NPHP4: variants seen among roughly 807,000 people sequenced by gnomAD.
NPHP4 encodes the protein nephrocystin 4.
In NPHP4, 151 loss-of-function variants were observed where a neutral mutation model predicts 155.8. That is an observed-to-expected ratio of 0.97 (90% CI 0.85 to 1.11). NPHP4 has a LOEUF of 1.11. NPHP4 is among the 50% of genes least tolerant of loss of function. The pLI is 0.00. For missense variants in NPHP4, 1,956 were observed against 1,925.7 expected, an observed-to-expected ratio of 1.02 and a Z score of -0.29; for synonymous variants, 845 against 816.8, an observed-to-expected ratio of 1.03 and a Z score of -0.59.
intron 9 of NPHP4, among the ~76,000 whole-genome samples, chr1:5,946,252 G>T (rs1480168669): frequency 6.6e-6 from 1 of 152,132 alleles, no homozygotes; most frequent in African/African-American, 2.4e-5. Context: ...AGAACAGCAG[G>T]ATTTGGGTTT....
chr1:5,873,240 T>C lies in NPHP4; in HGVS notation c.3315+12A>G. On this transcript the variant is annotated intron_variant, in intron 23 of 29. Coordinates refer to ENST00000378156, the MANE Select transcript of NPHP4 (RefSeq NM_015102.5). ...AGCCCCGAGATCAGTTTGTCCTCCG[T>C]TGCCCCTTTACCTTGGCGTGTTTAG... is the stretch of plus-strand genomic sequence containing the variant. 6.2e-7 allele frequency: 1 copy of C among 1,608,292 alleles called. No individual in the cohort carries two copies. The highest frequency in any genetic ancestry group is 8.5e-7 in the Non-Finnish European group (1 of 1,174,732).
intron 22 of NPHP4, 107 bp from the exon 23 acceptor site, chr1:5,873,442 T>C: frequency 1.2e-6 from 1 of 835,428 alleles, no homozygotes; most frequent in Non-Finnish European, 2.0e-6. Flanking sequence ...ACCAGCCTCC[T>C]CTCACACTGA....
chr1:5,906,052 T>C (rs1644899888), intron 13 of NPHP4, among the ~76,000 whole-genome samples: 1 of 152,240 alleles, frequency 6.6e-6, no homozygotes, highest in South Asian at 2.1e-4. Context: ...GCATCCTATA[T>C]TTCACGTGGC....
intron 1 of NPHP4, among the ~76,000 whole-genome samples, chr1:5,986,941 T>C (rs926683914): frequency 2.6e-5 from 4 of 151,748 alleles, no homozygotes; most frequent in Non-Finnish European, 4.4e-5. Context: ...CCAGGGAGCA[T>C]GAGAGAGGGA....
In NPHP4 at chr1:5,910,089, G is replaced by A. The variant is rs1029024820; in HGVS notation, c.1442-876C>T. 2.6e-5 allele frequency among the ~76,000 whole-genome samples: 4 copies of A among 152,180 alleles called. No homozygotes were observed. Among genetic ancestry groups the A allele is most frequent in the Admixed American group, 6.5e-5 (1 of 15,288 alleles). ...GGTGCTGGAGCGTCCATAGCCACTCGTCTCTTACGGTCATTTCACATACAC... is the reference window on the plus strand; with the variant it reads ...GGTGCTGGAGCGTCCATAGCCACTCATCTCTTACGGTCATTTCACATACAC... On this transcript the variant is annotated intron_variant, in intron 11 of 29. Coordinates refer to ENST00000378156, the MANE Select transcript of NPHP4 (RefSeq NM_015102.5). This position sits in a 1 kb window ranked among gnomAD's most constrained non-coding sequence, Gnocchi z 5.4.
Position 5,947,193 on chromosome 1 carries a change from G to A in NPHP4, c.1030C>T (p.Arg344Cys), listed in dbSNP as rs777428281. 22 of 1,613,732 alleles carry A rather than the reference G, an allele frequency of 1.4e-5. No individual in the cohort carries two copies. The highest frequency in any genetic ancestry group is 6.7e-5 in the Admixed American group (4 of 60,004). ...GGGTGGCCGACCATCTCTGGGAGGC[G>A]GAGGCGGCTTCTCAAAACCAGAGCT... ...SQALVLRSRL[R>C]LPEMVGHPAF... The change falls in exon 9 of 30, where the codon CGC becomes TGC. Residue 344 changes from arginine (R) to cysteine (C), a missense_variant. Arg to Cys is a radical substitution (Grantham distance 180). Coordinates refer to ENST00000378156, the MANE Select transcript of NPHP4 (RefSeq NM_015102.5).
At chr1:5,875,125 ACAGGGTCC>A (rs1557620074) in intron 20 of NPHP4, 25 bp from the exon 21 acceptor site, 1 of 1,551,240 alleles carries the variant, frequency 6.4e-7, no homozygotes, top group Non-Finnish European at 8.7e-7. Context: ...ACATGGGTGG[ACAGGGTCC>A]CAGGCACACT....
In NPHP4 at chr1:5,992,060, AGCCCCCGCCGCGC is replaced by A. The variant is rs369446247; in HGVS notation, c.-39+171_-39+183del. Among the ~76,000 whole-genome samples the A allele has an allele frequency of 3.7e-3, 567 of 152,064 alleles. 2 individuals are homozygous for A. Among genetic ancestry groups the A allele is most frequent in the East Asian group, 0.018 (92 of 5,126 alleles). ...GGACGCCTGCGACTAACGCGGGGAC[AGCCCCCGCCGCGC>A]GCCACCGCCGCACCCCAGGCACCGG... On this transcript the variant is annotated intron_variant, in intron 1 of 29. Coordinates refer to ENST00000378156, the MANE Select transcript of NPHP4 (RefSeq NM_015102.5).
At position 5,933,324 on chromosome 1, in the gene NPHP4, A is replaced by AGG. The variant is rs1570504754; in HGVS notation, c.1124_1125insCC (p.Ser376LeufsTer31). 3.1e-6 allele frequency: 5 copies of AGG among 1,612,240 alleles called. No individual in the cohort carries two copies. The highest frequency in any genetic ancestry group is 2.5e-6 in the Non-Finnish European group (3 of 1,179,588). On this transcript the variant is annotated frameshift_variant, in exon 10 of 30. Coordinates refer to ENST00000378156, the MANE Select transcript of NPHP4 (RefSeq NM_015102.5). LOFTEE classifies it high-confidence loss of function. ...CCAGGTTGGACAGAGAGGTGACCGA[A>AGG]GCTGCCTAGAATTAAAACAAAGCAC...
At chr1:5,975,786 G>A (rs762806999) in intron 3 of NPHP4, among the ~76,000 whole-genome samples, 6 of 152,216 alleles carry the variant, frequency 3.9e-5, no homozygotes, top group Admixed American at 6.5e-5. Context: ...CCGCCGCAAC[G>A]GAAGCCCTCG....
intron 9 of NPHP4, among the ~76,000 whole-genome samples, chr1:5,945,102 G>A (rs142775559): frequency 6.6e-6 from 1 of 152,332 alleles, no homozygotes; most frequent in Non-Finnish European, 1.5e-5. Flanking sequence ...GTATCGCTAA[G>A]ACATCTTGGT....
chr1:5,977,708 T>A (rs11120937), intron 3 of NPHP4, among the ~76,000 whole-genome samples: 1 of 148,726 alleles, frequency 6.7e-6, no homozygotes, highest in Non-Finnish European at 1.5e-5. Context: ...ACCACCTGAG[T>A]GAAAACACGC....
chr1:5,899,781 C>T (rs1644579928), intron 16 of NPHP4, among the ~76,000 whole-genome samples: 1 of 152,192 alleles, frequency 6.6e-6, no homozygotes, highest in Admixed American at 6.5e-5. Context: ...TGAAAAACTT[C>T]ACTCTGCCAA....
rs1326979254 is a variant in NPHP4 at position 5,947,185 on chromosome 1, T to C, written c.1038A>G (p.Pro346=). The C allele has an allele frequency of 3.7e-6, 6 of 1,613,826 alleles. No individual in the cohort carries two copies. The highest frequency in any genetic ancestry group is 1.7e-5 in the Admixed American group (1 of 60,008). ...ALVLRSRLRL[P]EMVGHPAFAV... ...CAAATGCAGGGTGGCCGACCATCTC[T>C]GGGAGGCGGAGGCGGCTTCTCAAAA... The change falls in exon 9 of 30, where the codon CCA becomes CCG. Residue 346 remains proline, a synonymous_variant. Coordinates refer to ENST00000378156, the MANE Select transcript of NPHP4 (RefSeq NM_015102.5).
At position 5,874,404 on chromosome 1, in the gene NPHP4, G is replaced by A. The variant is rs905768790; in HGVS notation, c.3231+67C>T. Reference sequence around the variant, plus strand: ...TAAGGGAGGGACACTGGTGGAGACTGGAAGCATTCTCAATTTCCCACCGTC... The same window carrying A: ...TAAGGGAGGGACACTGGTGGAGACTAGAAGCATTCTCAATTTCCCACCGTC... On this transcript the variant is annotated intron_variant, in intron 22 of 29. Coordinates refer to ENST00000378156, the MANE Select transcript of NPHP4 (RefSeq NM_015102.5). The A allele has an allele frequency of 2.9e-5, 40 of 1,388,458 alleles. No individual in the cohort carries two copies. The African/African-American group carries it at 5.2e-4, about 18-fold the overall frequency. 86.0% of individuals were successfully genotyped at this position (1,388,458 alleles called of 1,614,324 possible). A position where few individuals can be genotyped will look rare whatever the true frequency, so the allele number is the denominator to read the frequency against.
At chr1:5,930,791 C>T (rs1348418296) in intron 10 of NPHP4, among the ~76,000 whole-genome samples, 3 of 152,278 alleles carry the variant, frequency 2.0e-5, no homozygotes, top group Non-Finnish European at 2.9e-5. Flanking sequence ...TCCAGTTGGT[C>T]GATGGCGATG....
chr1:5,928,681 T>C (rs555951001), intron 10 of NPHP4, among the ~76,000 whole-genome samples: 2 of 152,366 alleles, frequency 1.3e-5, no homozygotes, highest in Admixed American at 6.5e-5. Flanking sequence ...AGTGTAGCTG[T>C]ACAGTAAGTG....
intron 1 of NPHP4, among the ~76,000 whole-genome samples, chr1:5,989,497 T>C (rs1166936749): frequency 6.6e-6 from 1 of 152,220 alleles, no homozygotes; most frequent in African/African-American, 2.4e-5. Flanking sequence ...GTTGAATTGC[T>C]CGCTGGCCAA....
At chr1:5,883,372 G>C (rs564633932) in intron 18 of NPHP4, among the ~76,000 whole-genome samples, 1 of 151,896 alleles carries the variant, frequency 6.6e-6, no homozygotes, top group Non-Finnish European at 1.5e-5. Flanking sequence ...CGATGTTCAC[G>C]CTCCGGGCCA....
Sources: gnomAD v4.1 joint callset for allele counts (sites outside exome capture counted in the v4.1 genomes callset) on GRCh38, gnomAD v4.1.1 for gene constraint, Gnocchi (gnomAD v3.1) non-coding constraint, MANE v1.5 for transcripts, NCBI Gene and HGNC (gene_info 2026-07-23, HGNC 2026-07-21) for gene names.